MBNL2: variants seen among roughly 807,000 people sequenced by gnomAD.
The protein encoded by MBNL2 is muscleblind like splicing regulator 2.
In MBNL2, 17 loss-of-function variants were observed where a neutral mutation model predicts 41.9. The ratio of observed to expected loss-of-function variants is 0.41; its 90% CI spans 0.28 to 0.61. MBNL2 has a LOEUF of 0.61. Among genes scored for constraint, MBNL2 ranks in the 20% least tolerant of loss-of-function variants. MBNL2 has a pLI of 0.35. For synonymous variants in MBNL2, 195 were observed against 182.9 expected (o/e 1.07, Z -0.53); for missense variants, 336 against 505.6 (o/e 0.66, Z 3.22).
intron 2 of MBNL2, among the ~76,000 whole-genome samples, chr13:97,291,503 AT>A (rs1346994368): frequency 6.6e-6 from 1 of 152,142 alleles, no homozygotes; most frequent in African/African-American, 2.4e-5. Context: ...AGGTAGAATT[AT>A]TAATATTAGA....
At position 97,346,210 on chromosome 13, in the gene MBNL2, A is replaced by G. The variant is rs925957598; in HGVS notation, c.541-594A>G. Among the ~76,000 whole-genome samples the G allele has an allele frequency of 1.3e-5, 2 of 152,046 alleles. No homozygotes were observed. The highest frequency in any genetic ancestry group is 1.3e-4 in the Admixed American group (2 of 15,270). ...TGGTGCAAAAGTAATTGCAGTTTTT[A>G]CCATTAAAAATAATGATAGATTAAC... On this transcript the variant is annotated intron_variant, in intron 4 of 8. Coordinates refer to ENST00000679496, the MANE Select transcript of MBNL2 (RefSeq NM_001382683.1). The surrounding 1 kb of genome is among the most constrained non-coding windows in gnomAD (Gnocchi z 4.2).
chr13:97,275,863 A>C lies in MBNL2; in HGVS notation c.-373A>C, dbSNP rs117898942. 6.0e-6 allele frequency: 1 copy of C among 165,374 alleles called. No homozygotes were observed. Among genetic ancestry groups the C allele is most frequent in the East Asian group, 1.7e-4 (1 of 5,874 alleles). 10.2% of individuals were successfully genotyped at this position (165,374 alleles called of 1,614,324 possible). A position where few individuals can be genotyped will look rare whatever the true frequency, so the allele number is the denominator to read the frequency against. On this transcript the variant is annotated 5_prime_UTR_variant, in exon 2 of 9. Coordinates refer to ENST00000679496, the MANE Select transcript of MBNL2 (RefSeq NM_001382683.1). ...TGAACATCTGAGTGTCTTATTTTCCAACATCGTCAATAGCTGTGAGCGTCA... is the reference window on the plus strand; with the variant it reads ...TGAACATCTGAGTGTCTTATTTTCCCACATCGTCAATAGCTGTGAGCGTCA...
At chr13:97,176,994 G>A in the MBNL2 span, among the ~76,000 whole-genome samples, 38 of 152,090 alleles carry the variant, frequency 2.5e-4, no homozygotes, top group Non-Finnish European at 5.1e-4. Context: ...GGTGAGAAAT[G>A]GATACGAAGC....
chr13:97,150,290 C>T, the MBNL2 span, among the ~76,000 whole-genome samples: 1 of 152,040 alleles, frequency 6.6e-6, no homozygotes, highest in Non-Finnish European at 1.5e-5. Flanking sequence ...GCTGAAAAGC[C>T]GAATTTAACA....
the MBNL2 span, among the ~76,000 whole-genome samples, chr13:97,184,898 T>C: frequency 6.6e-6 from 1 of 152,170 alleles, no homozygotes; most frequent in East Asian, 1.9e-4. Flanking sequence ...TTTTCAAAAA[T>C]AGCCAAAAAT....
chr13:97,325,100 G>T (rs1011969833), intron 2 of MBNL2, among the ~76,000 whole-genome samples: 1 of 152,290 alleles, frequency 6.6e-6, no homozygotes, highest in Admixed American at 6.5e-5. Context: ...CTGGTTTCAT[G>T]TAAGGTTGAT....
chr13:97,142,206 T>C, the MBNL2 span, among the ~76,000 whole-genome samples: 1 of 152,224 alleles, frequency 6.6e-6, no homozygotes, highest in East Asian at 1.9e-4. Context: ...TTCTTAGCTG[T>C]ATATAAAACA....
At chr13:97,196,375 A>G in the MBNL2 span, among the ~76,000 whole-genome samples, 1 of 152,336 alleles carries the variant, frequency 6.6e-6, no homozygotes, top group Non-Finnish European at 1.5e-5. Context: ...AAAATTATTT[A>G]GCACTCCTTT....
the MBNL2 span, among the ~76,000 whole-genome samples, chr13:97,155,393 TA>T: frequency 2.1e-4 from 29 of 139,464 alleles, no homozygotes; most frequent in Non-Finnish European, 3.7e-4. Context: ...TTTTTTTTTT[TA>T]TTTTTTTTTT....
At chr13:97,217,925 T>C (rs2040509844), upstream of MBNL2, among the ~76,000 whole-genome samples, 2 of 152,214 alleles carry the variant, frequency 1.3e-5, no homozygotes, top group East Asian at 3.9e-4. Flanking sequence ...AGACAGGAAT[T>C]CACAGGGTGT....
chr13:97,362,260 C>A (rs757774170), intron 7 of MBNL2, among the ~76,000 whole-genome samples: 1 of 152,092 alleles, frequency 6.6e-6, no homozygotes, highest in Non-Finnish European at 1.5e-5. Context: ...TATGTCAGCA[C>A]TCAAAAAGTT....
the MBNL2 span, among the ~76,000 whole-genome samples, chr13:97,176,850 G>A: frequency 2.6e-5 from 4 of 151,980 alleles, no homozygotes; most frequent in African/African-American, 9.7e-5. Flanking sequence ...TGCCACTACT[G>A]CAATTGGACA....
At chr13:97,231,278 G>A (rs186460795) in intron 1 of MBNL2, among the ~76,000 whole-genome samples, 3 of 152,284 alleles carry the variant, frequency 2.0e-5, no homozygotes, top group East Asian at 1.9e-4. Flanking sequence ...ATGTGCCTGC[G>A]AATCACCTGG....
the MBNL2 span, among the ~76,000 whole-genome samples, chr13:97,153,337 G>T: frequency 1.3e-5 from 2 of 151,956 alleles, no homozygotes; most frequent in African/African-American, 4.8e-5. Context: ...GTGTGTGTGT[G>T]TATTTTCTTG....
chr13:97,254,679 C>A (rs576620800), intron 1 of MBNL2, among the ~76,000 whole-genome samples: 3 of 151,970 alleles, frequency 2.0e-5, no homozygotes, highest in South Asian at 4.2e-4. Context: ...GGATATGAGA[C>A]CCTCTAAACT....
chr13:97,306,654 C>A (rs1205345458), intron 2 of MBNL2, among the ~76,000 whole-genome samples: 1 of 152,206 alleles, frequency 6.6e-6, no homozygotes, highest in Admixed American at 6.5e-5. Flanking sequence ...TTCACTTTCT[C>A]CATCTAAGCA....
chr13:97,219,185 C>T (rs569100422), upstream of MBNL2, among the ~76,000 whole-genome samples: 3 of 152,200 alleles, frequency 2.0e-5, no homozygotes, highest in African/African-American at 4.8e-5. Context: ...TTTGCATGCA[C>T]ATTAACATTT....
rs114321666 is a variant in MBNL2 at position 97,367,921 on chromosome 13, T to G, written c.1048+2750T>G. 5.2e-3 allele frequency among the ~76,000 whole-genome samples: 789 copies of G among 152,304 alleles called. 7 individuals are homozygous for G. The highest frequency in any genetic ancestry group is 0.013 in the African/African-American group (559 of 41,568). ...TAGCTGGGAAGATGATGATGATGAT[T>G]ATTATTTAATGTGGGATGGGAGAAG... On this transcript the variant is annotated intron_variant, in intron 8 of 8. Coordinates refer to ENST00000679496, the MANE Select transcript of MBNL2 (RefSeq NM_001382683.1).
intron 1 of MBNL2, among the ~76,000 whole-genome samples, chr13:97,265,131 T>C (rs1210366167): frequency 6.6e-6 from 1 of 152,234 alleles, no homozygotes; most frequent in Non-Finnish European, 1.5e-5. Context: ...TTTCACTCTT[T>C]GAATTGAGGA....
Sources: gnomAD v4.1 joint callset for allele counts (sites outside exome capture counted in the v4.1 genomes callset) on GRCh38, gnomAD v4.1.1 for gene constraint, Gnocchi (gnomAD v3.1) non-coding constraint, MANE v1.5 for transcripts, NCBI Gene and HGNC (gene_info 2026-07-23, HGNC 2026-07-21) for gene names.